The following ADAM28 variants were observed in gnomAD, a reference collection of about 807,000 sequenced individuals.
The protein encoded by ADAM28 is ADAM metallopeptidase domain 28, also known as disintegrin and metalloproteinase domain-containing protein 28.
A neutral mutation model predicts 101.2 loss-of-function variants in ADAM28; 105 were observed. That is an observed-to-expected ratio of 1.04 (90% CI 0.89 to 1.22). The LOEUF (loss-of-function observed/expected upper bound fraction) is 1.22, where lower values mean the gene tolerates loss of function less well. ADAM28 is among the 50% of genes most tolerant of loss of function. The pLI is 0.00. For missense variants in ADAM28, 1,028 were observed against 945.4 expected, an observed-to-expected ratio of 1.09 and a Z score of -1.15; for synonymous variants, 322 against 310.6, an observed-to-expected ratio of 1.04 and a Z score of -0.39.
chr8:24,329,992 G>A lies in ADAM28; in HGVS notation c.980G>A (p.Ser327Asn). Residue 327 changes from serine (S) to asparagine (N), a missense_variant, in exon 11 of 23, where the codon AGC becomes AAC. By Grantham distance (46) the Ser-to-Asn change is conservative (BLOSUM62 1). Coordinates refer to ENST00000265769, the MANE Select transcript of ADAM28 (RefSeq NM_014265.6). ...CTTCTTTCATACCTTTAGGACCACA[G>A]CGATAATCTTCTTAGAGTTGCAGGG... ...PYSVGVVQDH[S>N]DNLLRVAGTM... 6.2e-7 allele frequency: 1 copy of A among 1,612,934 alleles called. No individual in the cohort carries two copies. Among genetic ancestry groups the A allele is most frequent in the Non-Finnish European group, 8.5e-7 (1 of 1,179,360 alleles).
intron 5 of ADAM28, among the ~76,000 whole-genome samples, chr8:24,312,072 C>T (rs1163467820): frequency 1.3e-5 from 2 of 152,148 alleles, no homozygotes; most frequent in East Asian, 3.9e-4. Flanking sequence ...CTCGCTCTCT[C>T]TCTAGATTGC....
chr8:24,320,266 G>A lies in ADAM28; in HGVS notation c.607G>A (p.Glu203Lys), dbSNP rs764848218. The A allele has an allele frequency of 1.9e-6, 3 of 1,601,872 alleles. No homozygotes were observed. The highest frequency in any genetic ancestry group is 1.1e-5 in the South Asian group (1 of 90,218). The change falls in exon 7 of 23, where the codon GAG becomes AAG. Residue 203 changes from glutamate (E) to lysine (K), a missense_variant. By Grantham distance (56) the Glu-to-Lys change is moderately conservative. Coordinates refer to ENST00000265769, the MANE Select transcript of ADAM28 (RefSeq NM_014265.6). ...KLKDRKVQEH[E>K]KYIEYYLVLD... Reference sequence around the variant, plus strand: ...GAAAGACAGGAAGGTTCAGGAACATGAGAAATACATAGAATATTATTTGGT... The same window carrying A: ...GAAAGACAGGAAGGTTCAGGAACATAAGAAATACATAGAATATTATTTGGT...
At chr8:24,338,963 T>A (rs1407862604) in intron 14 of ADAM28, among the ~76,000 whole-genome samples, 1 of 152,126 alleles carries the variant, frequency 6.6e-6, no homozygotes, top group Non-Finnish European at 1.5e-5. Flanking sequence ...CTGTCATATA[T>A]AATGTGTATA....
chr8:24,335,542 T>A lies in ADAM28; in HGVS notation c.1468T>A (p.Phe490Ile), dbSNP rs767014452. Residue 490 changes from phenylalanine (F) to isoleucine (I), a missense_variant, in exon 14 of 23, where the codon TTC (phenylalanine) becomes ATC (isoleucine). Transcript: ENST00000265769. ...ATCTGGTAATTGTCCTGATGATAGA[T>A]TCCAAGTCAATGGCTTCCCTTGCCA... ...GKSGNCPDDR[F>I]QVNGFPCHHG... 1.2e-6 allele frequency: 2 copies of A among 1,614,144 alleles called. No homozygotes were observed. Among genetic ancestry groups the A allele is most frequent in the South Asian group, 2.2e-5 (2 of 91,082 alleles).
intron 10 of ADAM28, 114 bp from the exon 11 acceptor site, chr8:24,329,871 G>GTT (rs1446393511): frequency 2.6e-5 from 7 of 267,636 alleles, no homozygotes; most frequent in East Asian, 7.7e-5. Context: ...GTGTGTGTTT[G>GTT]TGTGTGTGTG....
chr8:24,321,151 C>A, intron 7 of ADAM28, 67 bp from the exon 8 acceptor site: 1 of 902,266 alleles, frequency 1.1e-6, no homozygotes, highest in Non-Finnish European at 1.8e-6. Flanking sequence ...AGAGAAGATG[C>A]CTTTTTAACC....
chr8:24,300,991 G>T (rs1354967567), intron 2 of ADAM28: 2 of 152,054 alleles, frequency 1.3e-5, no homozygotes, highest in Non-Finnish European at 2.9e-5. Flanking sequence ...TTAATTCTAA[G>T]AGAAAAGCTA....
intron 18 of ADAM28, among the ~76,000 whole-genome samples, chr8:24,344,087 C>G (rs6997454): frequency 1.3e-5 from 2 of 152,044 alleles, no homozygotes; most frequent in African/African-American, 2.4e-5. Context: ...TTAGTTCACA[C>G]GGGATGTCTC....
At chr8:24,311,864 G>A (rs189251751) in intron 5 of ADAM28, among the ~76,000 whole-genome samples, 4 of 152,032 alleles carry the variant, frequency 2.6e-5, no homozygotes, top group African/African-American at 9.6e-5. Flanking sequence ...TCAGCCTCTC[G>A]AGTAGCTGGG....
At chr8:24,322,998 G>A (rs1404255070) in intron 8 of ADAM28, among the ~76,000 whole-genome samples, 1 of 151,858 alleles carries the variant, frequency 6.6e-6, no homozygotes, top group Admixed American at 6.6e-5. Context: ...TTTAAGATTA[G>A]AGGACCATTG....
At chr8:24,300,317 C>T (rs62502713) in intron 2 of ADAM28, among the ~76,000 whole-genome samples, 1,665 of 152,282 alleles carry the variant, frequency 0.011, 19 homozygotes, top group Non-Finnish European at 0.018. Flanking sequence ...AAAAAATCTT[C>T]ACTATAACCC....
chr8:24,325,896 A>AAAAAAAAAAAAAAAAAAAAAAAAAG, intron 9 of ADAM28, among the ~76,000 whole-genome samples: 1 of 146,388 alleles, frequency 6.8e-6, no homozygotes, highest in Non-Finnish European at 1.5e-5. Context: ...AAAAAAAAAA[A>AAAAAAAAAAAAAAAAAAAAAAAAAG]AAAACCAAAA....
Position 24,356,295 on chromosome 8 carries a change from T to G in ADAM28, c.*1891T>G, listed in dbSNP as rs776366376. 6.6e-6 allele frequency: 1 copy of G among 152,204 alleles called. No individual in the cohort carries two copies. Among genetic ancestry groups the G allele is most frequent in the African/African-American group, 2.4e-5 (1 of 41,456 alleles). The allele number at this position is 152,204 out of a possible 1,614,324, so 9.4% of individuals were successfully genotyped here. On this transcript the variant is annotated 3_prime_UTR_variant, in exon 23 of 23. Coordinates refer to ENST00000265769, the MANE Select transcript of ADAM28 (RefSeq NM_014265.6). Reference sequence around the variant, plus strand: ...TGTGTTGTTGTTGTTGTTTTTTAAATATCTGTCCCCAGTAATAGATTCACC... The same window carrying G: ...TGTGTTGTTGTTGTTGTTTTTTAAAGATCTGTCCCCAGTAATAGATTCACC...
At chr8:24,305,198 CTTATAGTCTTT>C (rs1809409039) in intron 2 of ADAM28, among the ~76,000 whole-genome samples, 2 of 151,914 alleles carry the variant, frequency 1.3e-5, no homozygotes, top group South Asian at 4.2e-4. Context: ...TTTAGAGTCT[CTTATAGTCTTT>C]GTTAAGCTGA....
chr8:24,336,007 A>C, intron 14 of ADAM28: 1 of 1,017,926 alleles, frequency 9.8e-7, no homozygotes, highest in Non-Finnish European at 1.2e-6. Flanking sequence ...CCCTACTAAG[A>C]TCATAAACCC....
At chr8:24,350,496 A>C (rs1815967525) in intron 19 of ADAM28, among the ~76,000 whole-genome samples, 1 of 152,046 alleles carries the variant, frequency 6.6e-6, no homozygotes, top group South Asian at 2.1e-4. Context: ...TTTTTAGTAG[A>C]GATGGGGTTT....
rs560932577 is a variant in ADAM28, at chr8:24,357,388, T to C, written c.*2984T>C. On this transcript the variant is annotated 3_prime_UTR_variant, in exon 23 of 23. Coordinates refer to ENST00000265769, the MANE Select transcript of ADAM28 (RefSeq NM_014265.6). ...ATACCACCTGAGACTGGGTAATTTA[T>C]AAAGAAAGGAGGATTAATTGACTCA... 2.9e-4 allele frequency: 44 copies of C among 152,302 alleles called. No individual in the cohort carries two copies. The highest frequency in any genetic ancestry group is 1.0e-3 in the African/African-American group (43 of 41,576). The allele number at this position is 152,302 out of a possible 1,614,324, so 9.4% of individuals were successfully genotyped here.
At chr8:24,310,325 G>A (rs748278968) in intron 4 of ADAM28, 84 bp downstream of exon 4, 59 of 1,219,396 alleles carry the variant, frequency 4.8e-5, no homozygotes, top group Admixed American at 8.5e-5. Flanking sequence ...AATAATAGAA[G>A]TGAAACTGCA....
chr8:24,329,897 G>T (rs3763537), intron 10 of ADAM28, 88 bp from the exon 11 acceptor site: 126,911 of 1,326,506 alleles, frequency 0.096, 5,054 homozygotes, highest in East Asian at 0.22. Flanking sequence ...GAGAGAGAGA[G>T]AGAGAGAGAG....
Sources: allele counts gnomAD v4.1 joint callset (sites outside exome capture counted in the v4.1 genomes callset), GRCh38; gene constraint gnomAD v4.1.1; transcripts MANE v1.5; gene names NCBI Gene and HGNC (gene_info 2026-07-23, HGNC 2026-07-21).